The following TMEM260 variants were observed in gnomAD, a reference collection of about 807,000 sequenced individuals.
The protein encoded by TMEM260 is protein O-mannosyl-transferase TMEM260.
A neutral mutation model predicts 88.9 loss-of-function variants in TMEM260; 82 were observed. The ratio of observed to expected loss-of-function variants is 0.92; its 90% CI spans 0.77 to 1.11. The LOEUF (loss-of-function observed/expected upper bound fraction) is 1.11, where lower values mean the gene tolerates loss of function less well. TMEM260 is among the 50% of genes least tolerant of loss of function. The pLI is 0.00. For missense variants in TMEM260, 902 were observed against 853.4 expected, an observed-to-expected ratio of 1.06 and a Z score of -0.71; for synonymous variants, 314 against 309.3, an observed-to-expected ratio of 1.02 and a Z score of -0.16.
At chr14:56,653,169 C>T (rs973571869), downstream of TMEM260, among the ~76,000 whole-genome samples, 2 of 151,718 alleles carry the variant, frequency 1.3e-5, no homozygotes, top group African/African-American at 4.8e-5. Flanking sequence ...GTGGCGGGCT[C>T]TGGAGCCTGG....
At chr14:56,613,895 C>CAAA (rs35019348) in intron 7 of TMEM260, 3 of 133,186 alleles carry the variant, frequency 2.3e-5, no homozygotes, top group Non-Finnish European at 1.6e-5. Flanking sequence ...CCCGTCTCTG[C>CAAA]AAAAAAAAAA....
Position 56,638,866 on chromosome 14 carries a change from A to G in TMEM260, c.1869+2268A>G, listed in dbSNP as rs545014321. 2.6e-5 allele frequency among the ~76,000 whole-genome samples: 4 copies of G among 152,330 alleles called. No individual in the cohort carries two copies. The East Asian group carries it at 7.7e-4, about 29-fold the overall frequency. Reference sequence around the variant, plus strand: ...AAGGTGTCCCCAACTAACAGAATACATCCACCAAGACTAATATCACAGCAA... The same window carrying G: ...AAGGTGTCCCCAACTAACAGAATACGTCCACCAAGACTAATATCACAGCAA... On this transcript the variant is annotated intron_variant, in intron 15 of 15. Coordinates refer to ENST00000261556, the MANE Select transcript of TMEM260 (RefSeq NM_017799.4).
intron 8 of TMEM260, 80 bp downstream of exon 8, chr14:56,616,107 C>A: frequency 9.8e-7 from 1 of 1,016,828 alleles, no homozygotes; most frequent in Non-Finnish European, 1.5e-6. Flanking sequence ...CGCTGTAGGA[C>A]ATTGCCAGTA....
chr14:56,614,248 CA>C (rs1346498066), intron 7 of TMEM260, among the ~76,000 whole-genome samples: 2 of 144,408 alleles, frequency 1.4e-5, no homozygotes, highest in African/African-American at 5.2e-5. Flanking sequence ...GGCATGGTGG[CA>C]TGCACCTGTA....
chr14:56,633,875 T>C (rs955572510), intron 13 of TMEM260, among the ~76,000 whole-genome samples: 3 of 152,238 alleles, frequency 2.0e-5, no homozygotes, highest in African/African-American at 7.2e-5. Flanking sequence ...TTAAAGATTA[T>C]ATAACCTATT....
At chr14:56,642,148 C>T (rs9744003) in intron 15 of TMEM260, among the ~76,000 whole-genome samples, 47,498 of 151,938 alleles carry the variant, frequency 0.31, 7,564 homozygotes, top group South Asian at 0.38. Flanking sequence ...CAGCTCTGCA[C>T]GAAGCGGACC....
At chr14:56,601,716 C>G (rs969144290) in intron 3 of TMEM260, among the ~76,000 whole-genome samples, 1 of 152,056 alleles carries the variant, frequency 6.6e-6, no homozygotes, top group African/African-American at 2.4e-5. Context: ...TTATTTATAT[C>G]ACTGGATTCA....
Position 56,647,640 on chromosome 14 carries a change from T to C in TMEM260, c.*143T>C. The C allele has an allele frequency of 4.4e-6, 4 of 900,002 alleles. No individual in the cohort carries two copies. The South Asian group carries it at 7.5e-5, about 17-fold the overall frequency. 55.8% of individuals were successfully genotyped at this position (900,002 alleles called of 1,614,324 possible). On this transcript the variant is annotated 3_prime_UTR_variant, in exon 16 of 16. Coordinates refer to ENST00000261556, the MANE Select transcript of TMEM260 (RefSeq NM_017799.4). ...TATAAGTATCATGGTCCAGCAGTAC[T>C]GTTTAATGGGGTATTCAGTGACTAA...
chr14:56,647,278 C>T lies in TMEM260; in HGVS notation c.1905C>T (p.His635=), dbSNP rs1890026181. The change falls in exon 16 of 16, where the codon CAC becomes CAT. Residue 635 remains histidine (H), a synonymous_variant. Transcript: ENST00000261556. ...YKEIVYLQKE[H]PVNWHKNYAI... is the part of the protein sequence containing the mutation. ...AGATTGTCTATTTACAAAAGGAGCACCCAGTGAATTGGCACAAGAACTATG... is the reference window on the plus strand; with the variant it reads ...AGATTGTCTATTTACAAAAGGAGCATCCAGTGAATTGGCACAAGAACTATG... The T allele has an allele frequency of 2.5e-6, 4 of 1,613,900 alleles. No individual in the cohort carries two copies. Among genetic ancestry groups the T allele is most frequent in the Middle Eastern group, 1.7e-4 (1 of 6,060 alleles).
At chr14:56,618,408 G>A (rs1335284607) in intron 9 of TMEM260, among the ~76,000 whole-genome samples, 186 bp from the exon 10 acceptor site, 3 of 152,212 alleles carry the variant, frequency 2.0e-5, no homozygotes, top group Non-Finnish European at 4.4e-5. Flanking sequence ...AACTGGGAAG[G>A]AAGAATGTTT....
chr14:56,612,368 C>A, intron 7 of TMEM260, 83 bp downstream of exon 7: 1 of 1,174,598 alleles, frequency 8.5e-7, no homozygotes, highest in Non-Finnish European at 1.3e-6. Flanking sequence ...CTGAGTTCAT[C>A]TCTTTGTAAC....
chr14:56,615,194 A>G (rs959346017), intron 7 of TMEM260, among the ~76,000 whole-genome samples: 1 of 152,220 alleles, frequency 6.6e-6, no homozygotes, highest in Non-Finnish European at 1.5e-5. Flanking sequence ...TTCTATAATT[A>G]TGGTATCACA....
intron 11 of TMEM260, among the ~76,000 whole-genome samples, chr14:56,623,506 A>G (rs1200041291): frequency 6.6e-6 from 1 of 152,200 alleles, no homozygotes; most frequent in East Asian, 1.9e-4. Context: ...TAAACTGCTT[A>G]TTAGCAAAGG....
At chr14:56,608,979 C>T (rs1887082111) in intron 5 of TMEM260, 127 bp from the exon 6 acceptor site, 3 of 978,830 alleles carry the variant, frequency 3.1e-6, no homozygotes, top group South Asian at 3.3e-5. Context: ...TCTGTGGTGA[C>T]TTAATATAAA....
downstream of TMEM260, chr14:56,650,322 T>A (rs969425763): frequency 3.5e-6 from 1 of 284,562 alleles, no homozygotes; most frequent in Admixed American, 4.8e-5. Context: ...CCTGCCGCCC[T>A]GGCACCAAGG....
chr14:56,589,368 C>T (rs7492544), intron 3 of TMEM260, among the ~76,000 whole-genome samples: 50,761 of 151,918 alleles, frequency 0.33, 10,410 homozygotes, highest in East Asian at 0.51. Context: ...ATTCATTCCA[C>T]AATATTTGTT....
At chr14:56,654,837 AAAAAAT>A (rs578093123), downstream of TMEM260, among the ~76,000 whole-genome samples, 3,108 of 127,634 alleles carry the variant, frequency 0.024, 109 homozygotes, top group East Asian at 0.16. Context: ...AAAAAAAAAA[AAAAAAT>A]GTTAAATGTC....
intron 12 of TMEM260, among the ~76,000 whole-genome samples, chr14:56,628,892 ATTTC>A (rs1045216267): frequency 7.3e-6 from 1 of 136,208 alleles, no homozygotes; most frequent in African/African-American, 2.6e-5. Flanking sequence ...GACTTTTTGT[ATTTC>A]TTTTTTTTTT....
chr14:56,638,967 C>CTTAAT (rs1889349214), intron 15 of TMEM260, among the ~76,000 whole-genome samples: 1 of 151,964 alleles, frequency 6.6e-6, no homozygotes, highest in African/African-American at 2.4e-5. Flanking sequence ...GTACATGTGA[C>CTTAAT]TTAATAGGAC....
Sources: gnomAD v4.1 joint callset for allele counts (sites outside exome capture counted in the v4.1 genomes callset) on GRCh38, gnomAD v4.1.1 for gene constraint, MANE v1.5 for transcripts, NCBI Gene and HGNC (gene_info 2026-07-23, HGNC 2026-07-21) for gene names.